The following GATC variants were observed in gnomAD, a reference collection of about 807,000 sequenced individuals.
GATC encodes glutamyl-tRNA(Gln) amidotransferase subunit C, mitochondrial.
GATC carries 11 observed loss-of-function variants against 14.4 expected under a neutral mutation model. That is an observed-to-expected ratio of 0.77 (90% confidence interval 0.48 to 1.27). The LOEUF is 1.27. Ranked by LOEUF, GATC falls within the 50% of genes most tolerant of loss-of-function variation. The pLI, the probability that GATC is intolerant of heterozygous loss-of-function variation, is 0.00. For missense variants in GATC, 204 were observed against 183.0 expected (o/e 1.11, Z -0.66); for synonymous variants, 76 against 79.3 (o/e 0.96, Z 0.22).
intron 2 of GATC, among the ~76,000 whole-genome samples, chr12:120,452,166 C>A (rs61945861): frequency 6.6e-6 from 1 of 151,988 alleles, no homozygotes; most frequent in African/African-American, 2.4e-5. Flanking sequence ...CATGAGCCAC[C>A]GTGCCCGGCC....
chr12:120,455,632 G>C (rs1035157260), intron 2 of GATC, among the ~76,000 whole-genome samples: 1 of 151,944 alleles, frequency 6.6e-6, no homozygotes. Context: ...GCTTTGGGCT[G>C]GGTGCCACAA....
intron 2 of GATC, among the ~76,000 whole-genome samples, chr12:120,453,491 A>G (rs1177406159): frequency 6.6e-6 from 1 of 152,200 alleles, no homozygotes; most frequent in Non-Finnish European, 1.5e-5. Flanking sequence ...TATGTAGGCT[A>G]ACTTATCTTA....
intron 2 of GATC, among the ~76,000 whole-genome samples, chr12:120,448,596 T>C (rs900622686): frequency 6.7e-6 from 1 of 148,568 alleles, no homozygotes; most frequent in Non-Finnish European, 1.5e-5. Context: ...CCCAAAGTGC[T>C]GGGATTACAG....
At chr12:120,457,349 G>C (rs1202039053) in intron 3 of GATC, among the ~76,000 whole-genome samples, 170 bp downstream of exon 3, 1 of 152,006 alleles carries the variant, frequency 6.6e-6, no homozygotes, top group Non-Finnish European at 1.5e-5. Context: ...TCACCTCTAG[G>C]GGGCAGTTAG....
At chr12:120,452,065 C>T (rs892714529) in intron 2 of GATC, among the ~76,000 whole-genome samples, 6 of 151,030 alleles carry the variant, frequency 4.0e-5, no homozygotes, top group South Asian at 2.1e-4. Flanking sequence ...TTAGTAGAGA[C>T]GGGGTTTCAC....
In GATC at chr12:120,446,767, C is replaced by T. The variant is rs1240319587; in HGVS notation, c.192C>T (p.Ala64=). The T allele has an allele frequency of 1.2e-6, 2 of 1,613,966 alleles. No individual in the cohort carries two copies. Among genetic ancestry groups the T allele is most frequent in the South Asian group, 1.1e-5 (1 of 91,064 alleles). The part of the protein sequence containing the change: ...VARLEKAIAF[A]DRLRAVDTDG... ...GACTGGAGAAAGCTATCGCCTTCGC[C>T]GACCGGCTACGCGCCGTGGACACAG... Residue 64 remains alanine, a synonymous_variant, in exon 2 of 4, where the codon GCC becomes GCT. Coordinates refer to ENST00000551765, the MANE Select transcript of GATC (RefSeq NM_176818.3).
chr12:120,456,843 T>C (rs1878197316), intron 2 of GATC, among the ~76,000 whole-genome samples: 1 of 152,192 alleles, frequency 6.6e-6, no homozygotes, highest in African/African-American at 2.4e-5. Flanking sequence ...AAAAACTATT[T>C]GTTAAATCAA....
Position 120,446,848 on chromosome 12 carries a change from C to A in GATC, c.254+19C>A. ...AGGACAGGTAAACTCGCGGCTGCAG[C>A]CCCGAAGCCTTGACCGTGGCCCGTT... is the stretch of plus-strand genomic sequence containing the variant. On this transcript the variant is annotated intron_variant, in intron 2 of 3. Coordinates refer to ENST00000551765, the MANE Select transcript of GATC (RefSeq NM_176818.3). 6.3e-7 allele frequency: 1 copy of A among 1,577,362 alleles called. No homozygotes were observed. The highest frequency in any genetic ancestry group is 8.6e-7 in the Non-Finnish European group (1 of 1,157,100).
chr12:120,458,372 C>T lies in GATC; in HGVS notation c.358+1193C>T, dbSNP rs904315407. ...CTGGGATTACAGGGGTGAGCCACTG[C>T]ACCCCGCCGATATTTCTTAAATTTT... On this transcript the variant is annotated intron_variant, in intron 3 of 3. Transcript: ENST00000551765. Among the ~76,000 whole-genome samples, 11 of 152,062 alleles carry T rather than the reference C, an allele frequency of 7.2e-5. No homozygotes were observed. In the East Asian group the frequency reaches 2.1e-3, roughly 29 times the overall value.
chr12:120,461,416 T>C lies in GATC; in HGVS notation c.*1457T>C, dbSNP rs1878335571. The C allele has an allele frequency of 6.6e-6, 1 of 152,174 alleles. No individual in the cohort carries two copies. The highest frequency in any genetic ancestry group is 1.5e-5 in the Non-Finnish European group (1 of 68,044). 9.4% of individuals were successfully genotyped at this position (152,174 alleles called of 1,614,324 possible). On this transcript the variant is annotated 3_prime_UTR_variant, in exon 4 of 4. Coordinates refer to ENST00000551765, the MANE Select transcript of GATC (RefSeq NM_176818.3). The stretch of plus-strand genomic sequence containing the variant: ...GTTTATTTTTCCCATTCCCTTCCTT[T>C]ATCTGCAATGCTTTTTTCTTTAAGG...
intron 2 of GATC, among the ~76,000 whole-genome samples, chr12:120,456,206 A>G (rs1312204995): frequency 6.6e-6 from 1 of 152,190 alleles, no homozygotes; most frequent in South Asian, 2.1e-4. Context: ...TTACACCTTG[A>G]AACAATAGTG....
At chr12:120,456,156 T>C (rs904041185) in intron 2 of GATC, among the ~76,000 whole-genome samples, 1 of 152,162 alleles carries the variant, frequency 6.6e-6, no homozygotes, top group African/African-American at 2.4e-5. Flanking sequence ...AGACTGCTTA[T>C]TTTTTTAATC....
chr12:120,448,613 G>A (rs1027659086), intron 2 of GATC, among the ~76,000 whole-genome samples: 1 of 142,324 alleles, frequency 7.0e-6, no homozygotes, highest in Non-Finnish European at 1.5e-5. Context: ...ACAGGTATGA[G>A]TCACTGCACT....
At chr12:120,450,631 G>T in intron 2 of GATC, 1 of 158,286 alleles carries the variant, frequency 6.3e-6, no homozygotes, top group East Asian at 1.7e-4. Context: ...ACACATATCT[G>T]GAGTTTTCTA....
At chr12:120,446,946 TTGC>T in intron 2 of GATC, 117 bp downstream of exon 2, 1 of 961,354 alleles carries the variant, frequency 1.0e-6, no homozygotes, top group South Asian at 1.8e-5. Flanking sequence ...ATTCAGGAAC[TTGC>T]CCACAGTCAC....
At chr12:120,446,950 C>A in intron 2 of GATC, 121 bp downstream of exon 2, 1 of 882,828 alleles carries the variant, frequency 1.1e-6, no homozygotes, top group South Asian at 1.8e-5. Flanking sequence ...AGGAACTTGC[C>A]CACAGTCACC....
Position 120,446,571 on chromosome 12 carries a change from A to C in GATC, c.81+10A>C, listed in dbSNP as rs1877871071. The C allele has an allele frequency of 6.3e-7, 1 of 1,594,910 alleles. No homozygotes were observed. Among genetic ancestry groups the C allele is most frequent in the African/African-American group, 1.3e-5 (1 of 74,670 alleles). On this transcript the variant is annotated intron_variant, in intron 1 of 3. Transcript: ENST00000551765. ...CAAGGCGGATCCTCAGGTAAAGGCC[A>C]GGGCCATCTAGGCGGGTGGCGGAGC...
rs1878383160 is a variant in GATC, at chr12:120,462,656, G to A, written c.*2697G>A. The A allele has an allele frequency of 6.6e-6, 1 of 152,608 alleles. No individual in the cohort carries two copies. The highest frequency in any genetic ancestry group is 6.5e-5 in the Admixed American group (1 of 15,316). 9.5% of individuals were successfully genotyped at this position (152,608 alleles called of 1,614,324 possible). A position where few individuals can be genotyped will look rare whatever the true frequency, so the allele number is the denominator to read the frequency against. On this transcript the variant is annotated 3_prime_UTR_variant, in exon 4 of 4. Transcript: ENST00000551765. ...TCCTCTTGCTCTAGATTCCTGGCAA[G>A]TCTTGTGATGGTGCTATTATGTGAC...
chr12:120,452,411 G>C (rs181902015), intron 2 of GATC, among the ~76,000 whole-genome samples: 5 of 152,268 alleles, frequency 3.3e-5, no homozygotes, highest in African/African-American at 1.2e-4. Context: ...CAGAGAATGA[G>C]TTGACAGCAA....
Sources: gnomAD v4.1 joint callset for allele counts (sites outside exome capture counted in the v4.1 genomes callset) on GRCh38, gnomAD v4.1.1 for gene constraint, MANE v1.5 for transcripts, NCBI Gene and HGNC (gene_info 2026-07-23, HGNC 2026-07-21) for gene names.